The following SVOP variants were observed in gnomAD, a reference collection of about 807,000 sequenced individuals.
SVOP encodes synaptic vesicle 2-related protein.
Under a neutral mutation model 69.1 loss-of-function variants are expected in SVOP, and 17 were observed. The observed-to-expected ratio is 0.25, with a 90% CI of 0.17 to 0.37. The LOEUF is 0.37. SVOP is among the 10% of genes least tolerant of loss of function. The probability of loss-of-function intolerance (pLI) is 1.00; values close to 1 mark genes in which losing one functional copy is unlikely to be tolerated. For synonymous variants in SVOP, 238 were observed against 238.6 expected (o/e 1.00, Z 0.02); for missense variants, 435 against 597.5 (o/e 0.73, Z 2.84).
chr12:108,932,997 G>C (rs768834472), intron 11 of SVOP, among the ~76,000 whole-genome samples: 29 of 152,040 alleles, frequency 1.9e-4, no homozygotes, highest in Non-Finnish European at 3.7e-4. Context: ...TCCTGGCTTA[G>C]CCTCCTGAGT....
intron 11 of SVOP, chr12:108,926,461 G>C (rs1250119104): frequency 6.6e-6 from 1 of 152,054 alleles, no homozygotes; most frequent in Non-Finnish European, 1.5e-5. Flanking sequence ...TCATCAATTT[G>C]CATGGAATCC....
intron 12 of SVOP, among the ~76,000 whole-genome samples, chr12:108,921,700 T>C (rs1593177282): frequency 6.6e-6 from 1 of 152,176 alleles, no homozygotes; most frequent in Non-Finnish European, 1.5e-5. Context: ...TGCTTTTAGA[T>C]ACAGACACTT....
chr12:108,943,647 C>A (rs2039905735), intron 7 of SVOP, among the ~76,000 whole-genome samples: 1 of 151,850 alleles, frequency 6.6e-6, no homozygotes, highest in East Asian at 1.9e-4. Context: ...CCCATACCAC[C>A]TGCACTGGGC....
chr12:108,982,529 A>ACCC (rs2040142738), intron 2 of SVOP, among the ~76,000 whole-genome samples: 1 of 151,208 alleles, frequency 6.6e-6, no homozygotes, highest in Non-Finnish European at 1.5e-5. Context: ...CACCACCACC[A>ACCC]CCATCATTTT....
At chr12:108,953,910 G>A (rs575360520) in intron 6 of SVOP, among the ~76,000 whole-genome samples, 3 of 151,996 alleles carry the variant, frequency 2.0e-5, no homozygotes, top group East Asian at 3.9e-4. Context: ...TCAGGAGTTC[G>A]AGACCAGCCT....
At chr12:109,006,512 G>T (rs1315132868) in intron 1 of SVOP, among the ~76,000 whole-genome samples, 1 of 152,192 alleles carries the variant, frequency 6.6e-6, no homozygotes, top group Admixed American at 6.5e-5. Flanking sequence ...GCAGCCCCAG[G>T]GTTTGTCAGG....
At chr12:108,931,706 C>A (rs909110143) in intron 11 of SVOP, among the ~76,000 whole-genome samples, 1 of 151,960 alleles carries the variant, frequency 6.6e-6, no homozygotes, top group African/African-American at 2.4e-5. Context: ...TGATGGCGGT[C>A]GCCTGTAGTC....
At chr12:108,937,143 T>C (rs1014511647) in intron 10 of SVOP, 121 bp downstream of exon 10, 4 of 889,696 alleles carry the variant, frequency 4.5e-6, no homozygotes, top group African/African-American at 1.6e-5. Flanking sequence ...ATGTTCGAAC[T>C]ACTGAAATTT....
intron 5 of SVOP, among the ~76,000 whole-genome samples, chr12:108,964,520 G>A (rs931782010): frequency 8.6e-5 from 13 of 151,818 alleles, no homozygotes; most frequent in African/African-American, 2.4e-5. Context: ...GCTGGGAGCC[G>A]TATTATCTGT....
intron 1 of SVOP, among the ~76,000 whole-genome samples, chr12:109,004,355 A>G (rs1342101242): frequency 6.6e-6 from 1 of 151,158 alleles, no homozygotes; most frequent in Non-Finnish European, 1.5e-5. Flanking sequence ...GTACCACCAT[A>G]GAATTTTCCT....
intron 1 of SVOP, among the ~76,000 whole-genome samples, chr12:109,014,933 A>G (rs955126796): frequency 6.6e-6 from 1 of 152,164 alleles, no homozygotes; most frequent in African/African-American, 2.4e-5. Context: ...TTTGTTGCCC[A>G]GGCTGGTCTC....
intron 6 of SVOP, among the ~76,000 whole-genome samples, chr12:108,959,997 G>C (rs1289659711): frequency 2.0e-5 from 3 of 152,164 alleles, no homozygotes; most frequent in Non-Finnish European, 4.4e-5. Flanking sequence ...TTACCTTCTA[G>C]GGAAAATGAG....
At chr12:108,958,565 AT>A (rs944215964) in intron 6 of SVOP, among the ~76,000 whole-genome samples, 3 of 152,122 alleles carry the variant, frequency 2.0e-5, no homozygotes, top group African/African-American at 7.2e-5. Context: ...TTTGGAACAC[AT>A]CCCCATCATT....
chr12:108,974,969 C>T (rs2040099083), intron 4 of SVOP, among the ~76,000 whole-genome samples: 1 of 152,214 alleles, frequency 6.6e-6, no homozygotes, highest in Non-Finnish European at 1.5e-5. Context: ...GCAATGGCAT[C>T]ATCTGCAACC....
chr12:108,943,207 C>A lies in SVOP; in HGVS notation c.642+1896G>T, dbSNP rs149724147. On this transcript the variant is annotated intron_variant, in intron 7 of 15. Transcript: ENST00000610966. ...GGAGCCCCCAAGAACCTTCCAAAGT[C>A]CCCTTTTGCTTAAGTGAATCACAGT... is the stretch of plus-strand genomic sequence containing the variant. Among the ~76,000 whole-genome samples, 610 of 152,264 alleles carry A rather than the reference C, an allele frequency of 4.0e-3. 2 individuals are homozygous for A. Among genetic ancestry groups the A allele is most frequent in the African/African-American group, 0.014 (568 of 41,554 alleles).
At chr12:109,016,271 T>G (rs186687620) in intron 1 of SVOP, among the ~76,000 whole-genome samples, 1 of 152,316 alleles carries the variant, frequency 6.6e-6, no homozygotes, top group East Asian at 1.9e-4. Flanking sequence ...GAGCCAGAGT[T>G]TGAACCCAGA....
At chr12:108,949,490 G>A (rs1034863058) in intron 6 of SVOP, among the ~76,000 whole-genome samples, 3 of 151,868 alleles carry the variant, frequency 2.0e-5, no homozygotes, top group Non-Finnish European at 2.9e-5. Flanking sequence ...GGCTGGTCTC[G>A]AACTCCTGAC....
chr12:108,939,663 AAAGAGG>A (rs1593184056), intron 8 of SVOP, among the ~76,000 whole-genome samples: 2 of 152,198 alleles, frequency 1.3e-5, no homozygotes, highest in African/African-American at 4.8e-5. Context: ...TCATCAATAA[AAAGAGG>A]ATATAGCAGA....
chr12:108,963,999 C>A (rs1642114584), intron 5 of SVOP, among the ~76,000 whole-genome samples: 1 of 152,078 alleles, frequency 6.6e-6, no homozygotes, highest in Admixed American at 6.6e-5. Flanking sequence ...AAATATATTA[C>A]AATTTTTTTA....
Sources: gnomAD v4.1 joint callset for allele counts (sites outside exome capture counted in the v4.1 genomes callset) on GRCh38, gnomAD v4.1.1 for gene constraint, MANE v1.5 for transcripts, NCBI Gene and HGNC (gene_info 2026-07-23, HGNC 2026-07-21) for gene names.